Variants in GRM8 observed in about 807,000 individuals in gnomAD.
GRM8 encodes metabotropic glutamate receptor 8.
GRM8 carries 47 observed loss-of-function variants against 87.2 expected under a neutral mutation model. The ratio of observed to expected loss-of-function variants is 0.54; its 90% confidence interval spans 0.43 to 0.69. The LOEUF (loss-of-function observed/expected upper bound fraction) is 0.69, where lower values mean the gene tolerates loss of function less well. Among genes scored for constraint, GRM8 ranks in the 30% least tolerant of loss-of-function variants. The pLI, the probability that GRM8 is intolerant of heterozygous loss-of-function variation, is 0.00. For missense variants in GRM8, 1,019 were observed against 1,139.2 expected, an observed-to-expected ratio of 0.89 and a Z score of 1.52; for synonymous variants, 396 against 404.5, an observed-to-expected ratio of 0.98 and a Z score of 0.25.
At chr7:127,250,320 T>A (rs942479555) in intron 1 of GRM8, among the ~76,000 whole-genome samples, 2 of 152,196 alleles carry the variant, frequency 1.3e-5, no homozygotes, top group Non-Finnish European at 2.9e-5. Flanking sequence ...TGGATGTAGA[T>A]GTTTTTAGAA....
intron 6 of GRM8, among the ~76,000 whole-genome samples, chr7:126,848,428 T>C (rs1448907415): frequency 2.0e-5 from 3 of 152,232 alleles, no homozygotes; most frequent in Non-Finnish European, 4.4e-5. Flanking sequence ...GTTTATCTTA[T>C]TTCTTGAAAT....
chr7:126,943,803 A>T (rs748459522), intron 3 of GRM8, among the ~76,000 whole-genome samples: 4 of 152,234 alleles, frequency 2.6e-5, no homozygotes, highest in Non-Finnish European at 5.9e-5. Flanking sequence ...TCGAGAGTAA[A>T]CAGACAAATT....
At chr7:126,551,397 G>A (rs1792568175) in intron 8 of GRM8, among the ~76,000 whole-genome samples, 1 of 152,022 alleles carries the variant, frequency 6.6e-6, no homozygotes, top group Admixed American at 6.6e-5. Flanking sequence ...GTTCCCCTAT[G>A]ACTGCCCATG....
intron 7 of GRM8, among the ~76,000 whole-genome samples, chr7:126,619,896 G>T (rs769849375): frequency 3.9e-5 from 6 of 152,234 alleles, no homozygotes; most frequent in Non-Finnish European, 7.4e-5. Flanking sequence ...TTTGCATGCT[G>T]CCCAGGCTGG....
rs1236650472 is a variant in GRM8 at position 126,685,630 on chromosome 7, C to T, written c.1358-76132G>A. Among the ~76,000 whole-genome samples, 1 of 152,124 alleles carries T rather than the reference C, an allele frequency of 6.6e-6. No individual in the cohort carries two copies. Among genetic ancestry groups the T allele is most frequent in the Non-Finnish European group, 1.5e-5 (1 of 67,994 alleles). On this transcript the variant is annotated intron_variant, in intron 7 of 10. Transcript: ENST00000339582. The surrounding 1 kb of genome is among the most constrained non-coding windows in gnomAD (Gnocchi z 4.2). Reference sequence around the variant, plus strand: ...TGCAGTTTGGCCAGGGGCATATGCTCAGGGCAGCAGTGACCCACCAACCCC... The same window carrying T: ...TGCAGTTTGGCCAGGGGCATATGCTTAGGGCAGCAGTGACCCACCAACCCC...
At chr7:127,014,062 G>C (rs935595813) in intron 3 of GRM8, among the ~76,000 whole-genome samples, 1 of 152,134 alleles carries the variant, frequency 6.6e-6, no homozygotes, top group Non-Finnish European at 1.5e-5. Context: ...CATTCCTCTT[G>C]GTGTGCAGTG....
At chr7:127,052,202 G>C (rs1341767353) in intron 3 of GRM8, among the ~76,000 whole-genome samples, 1 of 152,018 alleles carries the variant, frequency 6.6e-6, no homozygotes, top group Non-Finnish European at 1.5e-5. Flanking sequence ...TCTCTCTCTG[G>C]GCCTTCATTT....
At chr7:126,752,581 T>C (rs1816545961) in intron 7 of GRM8, among the ~76,000 whole-genome samples, 1 of 152,096 alleles carries the variant, frequency 6.6e-6, no homozygotes, top group African/African-American at 2.4e-5. Context: ...AGGATTTCCA[T>C]GGGTTTCTAC....
At chr7:126,644,568 C>T (rs1410185592) in intron 7 of GRM8, among the ~76,000 whole-genome samples, 4 of 152,140 alleles carry the variant, frequency 2.6e-5, no homozygotes, top group African/African-American at 7.2e-5. Context: ...GTGTATAGCT[C>T]GCACTTCACT....
At chr7:126,903,657 ATATATATATGTATATGTG>A (rs1563300414) in intron 5 of GRM8, among the ~76,000 whole-genome samples, 20 of 107,066 alleles carry the variant, frequency 1.9e-4, no homozygotes, top group Admixed American at 6.7e-4. Context: ...GTATATGTGT[ATATATATATGTATATGTG>A]TATATATATA....
At chr7:126,488,106 T>C (rs556336269) in intron 9 of GRM8, among the ~76,000 whole-genome samples, 1 of 152,118 alleles carries the variant, frequency 6.6e-6, no homozygotes, top group South Asian at 2.1e-4. Flanking sequence ...AGAAACCTGG[T>C]AAACTGAGAT....
chr7:126,899,017 T>TA (rs376097799), intron 6 of GRM8, among the ~76,000 whole-genome samples: 1,743 of 135,870 alleles, frequency 0.013, 43 homozygotes, highest in East Asian at 0.09. Context: ...CTTACGAGTG[T>TA]AAAAAAAAAA....
At chr7:126,987,451 T>TG (rs1554556366) in intron 3 of GRM8, among the ~76,000 whole-genome samples, 1 of 151,774 alleles carries the variant, frequency 6.6e-6, no homozygotes, top group African/African-American at 2.4e-5. Flanking sequence ...CACAGTTTTT[T>TG]TTTTTGTTTT....
At chr7:126,496,976 T>TG (rs1479249502) in intron 9 of GRM8, among the ~76,000 whole-genome samples, 1 of 151,506 alleles carries the variant, frequency 6.6e-6, no homozygotes, top group Non-Finnish European at 1.5e-5. Context: ...TTGGATTTTT[T>TG]TTTTTTTTTT....
intron 8 of GRM8, among the ~76,000 whole-genome samples, chr7:126,580,216 G>A (rs1465643847): frequency 6.6e-6 from 1 of 152,062 alleles, no homozygotes; most frequent in Non-Finnish European, 1.5e-5. Context: ...ACTGATAATA[G>A]TTATCGGATA....
At chr7:126,711,870 G>T (rs1428241097) in intron 7 of GRM8, among the ~76,000 whole-genome samples, 1 of 152,238 alleles carries the variant, frequency 6.6e-6, no homozygotes, top group Non-Finnish European at 1.5e-5. Context: ...GAATTGAAGA[G>T]AGCAGGGCTT....
At chr7:126,798,669 G>A (rs1164603449) in intron 6 of GRM8, among the ~76,000 whole-genome samples, 1 of 152,162 alleles carries the variant, frequency 6.6e-6, no homozygotes, top group Non-Finnish European at 1.5e-5. Context: ...AAGGGAAAAT[G>A]GGACAGTTTC....
intron 7 of GRM8, 105 bp from the exon 8 acceptor site, chr7:126,609,603 T>C: frequency 1.2e-6 from 1 of 800,844 alleles, no homozygotes; most frequent in Non-Finnish European, 2.0e-6. Flanking sequence ...TTGTGTGAAG[T>C]AAGTGATGCA....
intron 3 of GRM8, among the ~76,000 whole-genome samples, chr7:126,971,375 C>T (rs1810414270): frequency 6.6e-6 from 1 of 152,066 alleles, no homozygotes; most frequent in Admixed American, 6.6e-5. Context: ...ACATGTTGAA[C>T]TCTATCCTTG....
Sources: allele counts gnomAD v4.1 joint callset (sites outside exome capture counted in the v4.1 genomes callset), GRCh38; gene constraint gnomAD v4.1.1; non-coding constraint Gnocchi (gnomAD v3.1); transcripts MANE v1.5; gene names NCBI Gene and HGNC (gene_info 2026-07-23, HGNC 2026-07-21).